SGMS2: variants seen among roughly 807,000 people sequenced by gnomAD.
SGMS2 encodes phosphatidylcholine:ceramide cholinephosphotransferase 2.
SGMS2 carries 21 observed loss-of-function variants against 43.8 expected under a neutral mutation model. The ratio of observed to expected loss-of-function variants is 0.48; its 90% CI spans 0.34 to 0.69. The LOEUF (loss-of-function observed/expected upper bound fraction) is 0.69. SGMS2 is among the 30% of genes least tolerant of loss of function. The pLI, the probability that SGMS2 is intolerant of heterozygous loss-of-function variation, is 0.01. For synonymous variants in SGMS2, 167 were observed against 160.6 expected (o/e 1.04, Z -0.30); for missense variants, 384 against 443.2 (o/e 0.87, Z 1.20).
At chr4:107,883,484 T>G (rs967560462) in intron 2 of SGMS2, among the ~76,000 whole-genome samples, 2 of 152,150 alleles carry the variant, frequency 1.3e-5, no homozygotes, top group Non-Finnish European at 2.9e-5. Flanking sequence ...CCAGCTAATT[T>G]TTTGTATTTT....
intron 1 of SGMS2, among the ~76,000 whole-genome samples, chr4:107,841,428 T>G (rs914811093): frequency 6.6e-6 from 1 of 152,106 alleles, no homozygotes; most frequent in Non-Finnish European, 1.5e-5. Flanking sequence ...ACAGACCTTT[T>G]TTTTTTTCAA....
chr4:107,879,043 A>T (rs142121559), intron 2 of SGMS2, among the ~76,000 whole-genome samples: 27 of 151,894 alleles, frequency 1.8e-4, no homozygotes, highest in African/African-American at 4.6e-4. Context: ...AAATTTGTAC[A>T]GCTAATATTT....
Position 107,895,901 on chromosome 4 carries a change from G to GT in SGMS2, c.354dup (p.Asp119Ter). The stretch of plus-strand genomic sequence containing the variant: ...AGCTTAGCCCTCCACTCCCAGACAA[G>GT]TTTTTTGATTACATTGATAGGGTGA... On this transcript the variant is annotated frameshift_variant, in exon 3 of 7. Coordinates refer to ENST00000690982, the MANE Select transcript of SGMS2 (RefSeq NM_001375905.1). LOFTEE classifies it high-confidence loss of function. 6.2e-7 allele frequency: 1 copy of GT among 1,613,876 alleles called. No individual in the cohort carries two copies. The highest frequency in any genetic ancestry group is 1.1e-5 in the South Asian group (1 of 91,072).
At chr4:107,852,654 C>T (rs1727216410) in intron 1 of SGMS2, among the ~76,000 whole-genome samples, 1 of 152,144 alleles carries the variant, frequency 6.6e-6, no homozygotes, top group Admixed American at 6.6e-5. Flanking sequence ...TATCATTCCC[C>T]ACTAACTGTG....
chr4:107,867,480 T>C (rs1289286188), intron 2 of SGMS2: 1 of 152,202 alleles, frequency 6.6e-6, no homozygotes, highest in Non-Finnish European at 1.5e-5. Context: ...CATTTCCTTT[T>C]CTTTGCTGTA....
rs892039457 is a variant in SGMS2, at chr4:107,912,920, TG to T, written c.*2372del. The stretch of plus-strand genomic sequence containing the variant: ...GAAGTCCATGGTTTGCAAATAAGGG[TG>T]GGGGAATCAAAATTTCAAGATGGAA... On this transcript the variant is annotated 3_prime_UTR_variant, in exon 7 of 7. Coordinates refer to ENST00000690982, the MANE Select transcript of SGMS2 (RefSeq NM_001375905.1). The T allele has an allele frequency of 1.3e-5, 2 of 151,822 alleles. No individual in the cohort carries two copies. Among genetic ancestry groups the T allele is most frequent in the Non-Finnish European group, 2.9e-5 (2 of 67,964 alleles). The allele number at this position is 151,822 out of a possible 1,614,324, so 9.4% of individuals were successfully genotyped here. A position where few individuals can be genotyped will look rare whatever the true frequency, so the allele number is the denominator to read the frequency against.
intron 2 of SGMS2, among the ~76,000 whole-genome samples, chr4:107,870,725 T>C (rs1422367795): frequency 6.6e-6 from 1 of 152,158 alleles, no homozygotes; most frequent in African/African-American, 2.4e-5. Flanking sequence ...TAAGAGATAA[T>C]TTTAGAAACA....
chr4:107,841,374 G>C (rs1726488037), intron 1 of SGMS2, among the ~76,000 whole-genome samples: 1 of 151,488 alleles, frequency 6.6e-6, no homozygotes, highest in Non-Finnish European at 1.5e-5. Flanking sequence ...GTTTTTTCTA[G>C]CCACTCTTTT....
chr4:107,893,453 G>C (rs1041289091), intron 2 of SGMS2: 1 of 152,246 alleles, frequency 6.6e-6, no homozygotes, highest in Non-Finnish European at 1.5e-5. Context: ...ACCTCCGTTA[G>C]AAGTAGCAGT....
chr4:107,835,580 T>A (rs1726125524), intron 1 of SGMS2, among the ~76,000 whole-genome samples: 1 of 152,232 alleles, frequency 6.6e-6, no homozygotes, highest in Non-Finnish European at 1.5e-5. Context: ...GGGTGCAGTG[T>A]CGCATCGGAC....
At chr4:107,826,971 T>G (rs909509621) in intron 1 of SGMS2, among the ~76,000 whole-genome samples, 10 of 152,240 alleles carry the variant, frequency 6.6e-5, no homozygotes, top group South Asian at 6.2e-4. Context: ...GACCTGAGGC[T>G]CTCTGAGCTG....
intron 2 of SGMS2, chr4:107,894,523 T>G (rs780433664): frequency 1.3e-5 from 2 of 152,206 alleles, no homozygotes; most frequent in Non-Finnish European, 2.9e-5. Context: ...TTCTGTTGTT[T>G]GGTAGAAATT....
intron 1 of SGMS2, among the ~76,000 whole-genome samples, chr4:107,850,913 G>A (rs73838245): frequency 5.5e-4 from 83 of 152,070 alleles, no homozygotes; most frequent in Non-Finnish European, 9.6e-4. Context: ...AACCTTCTAC[G>A]AGTGTACCCC....
At position 107,851,502 on chromosome 4, in the gene SGMS2, T is replaced by TA. The variant is rs568272034; in HGVS notation, c.-326-6968dup. Among the ~76,000 whole-genome samples the TA allele has an allele frequency of 4.8e-3, 734 of 152,348 alleles. 8 individuals are homozygous for TA. The highest frequency in any genetic ancestry group is 0.01 in the Middle Eastern group (3 of 294). ...AAGGGCACTGCCTAACCTGGATAGT[T>TA]AACATACACTTAGCTCTGACTAAAT... On this transcript the variant is annotated intron_variant, in intron 1 of 6. Transcript: ENST00000690982.
At chr4:107,879,100 AC>A (rs1323244428) in intron 2 of SGMS2, among the ~76,000 whole-genome samples, 1 of 123,270 alleles carries the variant, frequency 8.1e-6, no homozygotes, top group Non-Finnish European at 1.6e-5. Flanking sequence ...TGAATGGTCT[AC>A]CTGGCCATTT....
intron 1 of SGMS2, among the ~76,000 whole-genome samples, chr4:107,827,859 G>A (rs1180792097): frequency 1.3e-5 from 2 of 151,996 alleles, no homozygotes; most frequent in African/African-American, 2.4e-5. Context: ...GTTGGTGCTC[G>A]CCTGTAGTCC....
chr4:107,888,382 AATAAT>A (rs1473101795), intron 2 of SGMS2, among the ~76,000 whole-genome samples: 1 of 152,154 alleles, frequency 6.6e-6, no homozygotes, highest in Non-Finnish European at 1.5e-5. Context: ...ACCAAAACTT[AATAAT>A]ATGACAACTT....
chr4:107,826,944 G>A, intron 1 of SGMS2, among the ~76,000 whole-genome samples: 1 of 152,202 alleles, frequency 6.6e-6, no homozygotes, highest in Non-Finnish European at 1.5e-5. Context: ...TGAGATCATG[G>A]ACATGGGAAT....
chr4:107,864,570 C>T (rs750257996), intron 2 of SGMS2: 1 of 152,022 alleles, frequency 6.6e-6, no homozygotes, highest in Admixed American at 6.6e-5. Context: ...AAGTACATGA[C>T]GTTTTATTCA....
Sources: gnomAD v4.1 joint callset for allele counts (sites outside exome capture counted in the v4.1 genomes callset) on GRCh38, gnomAD v4.1.1 for gene constraint, MANE v1.5 for transcripts, NCBI Gene and HGNC (gene_info 2026-07-23, HGNC 2026-07-21) for gene names.